IL1RAPL2: variants seen among roughly 807,000 people sequenced by gnomAD.
The protein encoded by IL1RAPL2 is interleukin 1 receptor accessory protein like 2.
IL1RAPL2 carries 3 observed loss-of-function variants against 44.1 expected under a neutral mutation model. The observed-to-expected ratio is 0.07, with a 90% CI of 0.03 to 0.18. IL1RAPL2 has a LOEUF of 0.18. Ranked by LOEUF, IL1RAPL2 falls within the 10% of genes least tolerant of loss-of-function variation. The probability of loss-of-function intolerance (pLI) is 1.00; values close to 1 mark genes in which losing one functional copy is unlikely to be tolerated. For missense variants in IL1RAPL2, 391 were observed against 496.4 expected (o/e 0.79, Z 2.02); for synonymous variants, 181 against 178.8 (o/e 1.01, Z -0.10).
chrX:104,879,989 G>A (rs959756980), intron 2 of IL1RAPL2, among the ~76,000 whole-genome samples: 3 of 111,325 alleles, frequency 2.7e-5, no homozygotes, highest in Non-Finnish European at 1.9e-5. Flanking sequence ...AAAAGTGGGG[G>A]AGTGTGTAGA....
chrX:105,361,979 T>A (rs1050679129), intron 5 of IL1RAPL2, among the ~76,000 whole-genome samples: 9 of 111,681 alleles, frequency 8.1e-5, no homozygotes, highest in Middle Eastern at 4.6e-3. Context: ...ACCCATCCAC[T>A]CTTTTGCACT....
chrX:105,296,375 GTCAT>G (rs746160985), intron 5 of IL1RAPL2, among the ~76,000 whole-genome samples: 1 of 111,665 alleles, frequency 9.0e-6, no homozygotes, highest in Non-Finnish European at 1.9e-5. Flanking sequence ...AATACTTTTT[GTCAT>G]TCATGTGAGA....
At chrX:104,878,993 AC>A (rs777096940) in intron 2 of IL1RAPL2, among the ~76,000 whole-genome samples, 176 of 111,099 alleles carry the variant, frequency 1.6e-3, no homozygotes, top group Admixed American at 2.9e-3. Context: ...TTGATTTCCA[AC>A]CGAGCCAACC....
At chrX:105,215,716 A>T (rs1353875965) in intron 3 of IL1RAPL2, among the ~76,000 whole-genome samples, 1 of 105,633 alleles carries the variant, frequency 9.5e-6, no homozygotes, top group Non-Finnish European at 1.9e-5. Flanking sequence ...CCTCAAGAAA[A>T]TACTGGCAAA....
At chrX:104,616,701 A>G (rs1929286840) in intron 1 of IL1RAPL2, among the ~76,000 whole-genome samples, 1 of 111,774 alleles carries the variant, frequency 8.9e-6, no homozygotes. Flanking sequence ...CAGTACAGGA[A>G]GATAGCTTCG....
chrX:105,113,092 C>A (rs764134059), intron 2 of IL1RAPL2, among the ~76,000 whole-genome samples: 4 of 112,418 alleles, frequency 3.6e-5, no homozygotes, highest in African/African-American at 1.3e-4. Flanking sequence ...GATACAGGGA[C>A]AAATGGCTGT....
chrX:104,829,820 C>A (rs1032421237), intron 2 of IL1RAPL2, among the ~76,000 whole-genome samples: 1 of 112,114 alleles, frequency 8.9e-6, no homozygotes, highest in Admixed American at 9.5e-5. Context: ...AAGAGTGAAT[C>A]AGTTCTTATT....
intron 2 of IL1RAPL2, among the ~76,000 whole-genome samples, chrX:104,847,760 T>C (rs930412666): frequency 2.6e-4 from 29 of 112,114 alleles, no homozygotes; most frequent in African/African-American, 7.8e-4. Flanking sequence ...GGGGATGGCA[T>C]TGAATCTATA....
chrX:104,993,245 G>A (rs190026051), intron 2 of IL1RAPL2, among the ~76,000 whole-genome samples: 55 of 111,615 alleles, frequency 4.9e-4, no homozygotes, highest in African/African-American at 1.8e-3. Context: ...GATATTAATT[G>A]TCTCTAATGA....
chrX:105,576,636 T>C (rs2037052499), intron 6 of IL1RAPL2, among the ~76,000 whole-genome samples: 1 of 111,757 alleles, frequency 8.9e-6, no homozygotes, highest in South Asian at 3.7e-4. Flanking sequence ...GACATAGTTA[T>C]GTGAAAGAAC....
At chrX:105,747,551 CATATAT>C (rs2038559896) in intron 8 of IL1RAPL2, among the ~76,000 whole-genome samples, 1 of 90,604 alleles carries the variant, frequency 1.1e-5, no homozygotes, top group Middle Eastern at 5.9e-3. Context: ...CACACACACA[CATATAT>C]ACACACATAT....
chrX:104,635,052 T>C (rs1929761653), intron 1 of IL1RAPL2, among the ~76,000 whole-genome samples: 1 of 110,785 alleles, frequency 9.0e-6, no homozygotes, highest in Non-Finnish European at 1.9e-5. Flanking sequence ...TGACAAAATC[T>C]CTCAGCATTT....
At chrX:105,413,722 C>T (rs2035713038) in intron 5 of IL1RAPL2, among the ~76,000 whole-genome samples, 1 of 112,384 alleles carries the variant, frequency 8.9e-6, no homozygotes, top group African/African-American at 3.2e-5. Flanking sequence ...AATACACTCA[C>T]TTCCACTTAA....
rs925225440 is a variant in IL1RAPL2 at position 105,022,900 on chromosome X, C to T, written c.83-172575C>T. Among the ~76,000 whole-genome samples the T allele has an allele frequency of 6.3e-5, 7 of 110,723 alleles. No individual in the cohort carries two copies. In the East Asian group the frequency reaches 8.6e-4, roughly 14 times the overall value. ...CAGGTGGATTTCTACAGTTTAAGAT[C>T]GGAAGATTCTAAGGCTGCTGAATCT... is the stretch of plus-strand genomic sequence containing the variant. On this transcript the variant is annotated intron_variant, in intron 2 of 10. Coordinates refer to ENST00000372582, the MANE Select transcript of IL1RAPL2 (RefSeq NM_017416.2).
At chrX:105,367,358 C>G (rs942477088) in intron 5 of IL1RAPL2, among the ~76,000 whole-genome samples, 1 of 111,489 alleles carries the variant, frequency 9.0e-6, no homozygotes, top group Admixed American at 9.6e-5. Flanking sequence ...TTACCTATTA[C>G]TATTTACTTA....
intron 2 of IL1RAPL2, among the ~76,000 whole-genome samples, chrX:105,190,916 T>C (rs2033627560): frequency 1.8e-5 from 2 of 112,202 alleles, no homozygotes; most frequent in Admixed American, 9.4e-5. Context: ...GTAGGAGGCT[T>C]ATCTATAAAG....
At chrX:104,809,644 G>A (rs1413798186) in intron 2 of IL1RAPL2, among the ~76,000 whole-genome samples, 1 of 109,524 alleles carries the variant, frequency 9.1e-6, no homozygotes, top group African/African-American at 3.3e-5. Flanking sequence ...TGTCAGATGA[G>A]TAGGTTGCGA....
chrX:104,860,142 A>G (rs1224176074), intron 2 of IL1RAPL2, among the ~76,000 whole-genome samples: 1 of 111,794 alleles, frequency 8.9e-6, no homozygotes, highest in East Asian at 2.8e-4. Flanking sequence ...AGGACCAAGG[A>G]CTGTCACTAA....
At chrX:104,926,929 T>C (rs1302409148) in intron 2 of IL1RAPL2, among the ~76,000 whole-genome samples, 1 of 111,933 alleles carries the variant, frequency 8.9e-6, no homozygotes, top group African/African-American at 3.2e-5. Flanking sequence ...TACCAAGCTG[T>C]ACTGGACCGG....
Sources: allele counts gnomAD v4.1 joint callset (sites outside exome capture counted in the v4.1 genomes callset), GRCh38; gene constraint gnomAD v4.1.1; transcripts MANE v1.5; gene names NCBI Gene and HGNC (gene_info 2026-07-23, HGNC 2026-07-21).